Variants in RAB38 observed in about 807,000 individuals in gnomAD.
The protein encoded by RAB38 is ras-related protein Rab-38.
RAB38 carries 15 observed loss-of-function variants against 18.4 expected under a neutral mutation model. The ratio of observed to expected loss-of-function variants is 0.82; its 90% CI spans 0.55 to 1.26. RAB38 has a LOEUF of 1.26. Ranked by LOEUF, RAB38 falls within the 50% of genes most tolerant of loss-of-function variation. The probability of loss-of-function intolerance (pLI) is 0.00; values close to 1 mark genes in which losing one functional copy is unlikely to be tolerated. For missense variants in RAB38, 294 were observed against 267.4 expected, an observed-to-expected ratio of 1.10 and a Z score of -0.69; for synonymous variants, 101 against 104.4, an observed-to-expected ratio of 0.97 and a Z score of 0.20.
the RAB38 span, among the ~76,000 whole-genome samples, chr11:87,875,468 T>A: frequency 6.6e-6 from 1 of 151,504 alleles, no homozygotes; most frequent in African/African-American, 2.4e-5. Context: ...TTATCTGGGG[T>A]ATGTCCATAC....
the RAB38 span, among the ~76,000 whole-genome samples, chr11:88,029,194 C>T: frequency 9.2e-5 from 14 of 151,844 alleles, no homozygotes; most frequent in Non-Finnish European, 7.4e-5. Flanking sequence ...GATTTTGTCA[C>T]CACCAGGCCT....
At chr11:88,095,550 G>A in the RAB38 span, among the ~76,000 whole-genome samples, 2 of 151,766 alleles carry the variant, frequency 1.3e-5, no homozygotes, top group African/African-American at 2.4e-5. Context: ...AAAATTTAAA[G>A]TTTGAGTACC....
the RAB38 span, among the ~76,000 whole-genome samples, chr11:88,071,243 GACACACACAC>G: frequency 2.8e-4 from 41 of 148,524 alleles, no homozygotes; most frequent in South Asian, 1.5e-3. Context: ...ACTGGGGGAG[GACACACACAC>G]ACACACACAC....
the RAB38 span, among the ~76,000 whole-genome samples, chr11:87,830,106 C>A: frequency 6.6e-6 from 1 of 152,090 alleles, no homozygotes; most frequent in Non-Finnish European, 1.5e-5. Context: ...AATATTCAGA[C>A]AAGAATACTT....
chr11:88,009,503 C>T, the RAB38 span, among the ~76,000 whole-genome samples: 22 of 152,208 alleles, frequency 1.4e-4, no homozygotes, highest in Non-Finnish European at 2.1e-4. Context: ...TGCATAGAAG[C>T]TGTGTGAAAG....
chr11:87,836,560 A>G, the RAB38 span, among the ~76,000 whole-genome samples: 24 of 151,966 alleles, frequency 1.6e-4, no homozygotes, highest in African/African-American at 5.6e-4. Context: ...ACAAAATCTC[A>G]ATTGTTTTCC....
the RAB38 span, among the ~76,000 whole-genome samples, chr11:87,958,099 C>T: frequency 6.6e-6 from 1 of 152,096 alleles, no homozygotes; most frequent in African/African-American, 2.4e-5. Context: ...CCCAGGCTAG[C>T]AATATACTGT....
chr11:88,052,943 T>TATATAA, the RAB38 span, among the ~76,000 whole-genome samples: 10 of 115,688 alleles, frequency 8.6e-5, no homozygotes, highest in African/African-American at 2.5e-4. Flanking sequence ...TATATATATA[T>TATATAA]AAATTATATA....
chr11:87,919,616 T>C, the RAB38 span, among the ~76,000 whole-genome samples: 11 of 151,974 alleles, frequency 7.2e-5, no homozygotes, highest in Non-Finnish European at 1.0e-4. Context: ...GCCAGCTTTC[T>C]AAAATGAGTT....
the RAB38 span, among the ~76,000 whole-genome samples, chr11:88,068,057 T>A: frequency 6.6e-6 from 1 of 150,430 alleles, no homozygotes; most frequent in African/African-American, 2.4e-5. Context: ...AACCCATAAT[T>A]CAGTTTACAA....
chr11:87,814,162 C>T, the RAB38 span, among the ~76,000 whole-genome samples: 1 of 152,046 alleles, frequency 6.6e-6, no homozygotes, highest in Non-Finnish European at 1.5e-5. Flanking sequence ...GGTAGTACTC[C>T]CGAGTGGGAT....
chr11:88,142,560 A>G (rs1302309779), intron 2 of RAB38, among the ~76,000 whole-genome samples: 2 of 152,200 alleles, frequency 1.3e-5, no homozygotes, highest in Non-Finnish European at 2.9e-5. Context: ...ATTCCTGAAG[A>G]AAGGGTTAAT....
chr11:87,960,393 AAAG>A, the RAB38 span, among the ~76,000 whole-genome samples: 46 of 151,294 alleles, frequency 3.0e-4, no homozygotes, highest in Admixed American at 3.0e-3. Context: ...AAAAAGAAAA[AAAG>A]AGAGAAATAA....
the RAB38 span, among the ~76,000 whole-genome samples, chr11:88,030,454 A>G: frequency 6.6e-6 from 1 of 152,200 alleles, no homozygotes; most frequent in South Asian, 2.1e-4. Context: ...GTTTTTTGAA[A>G]GGATCAACAA....
the RAB38 span, among the ~76,000 whole-genome samples, chr11:87,846,866 C>T: frequency 6.6e-6 from 1 of 151,854 alleles, no homozygotes; most frequent in South Asian, 2.1e-4. Context: ...TACATTAGAA[C>T]CAAATAGCAG....
the RAB38 span, among the ~76,000 whole-genome samples, chr11:87,855,092 G>A: frequency 6.6e-6 from 1 of 152,160 alleles, no homozygotes; most frequent in Non-Finnish European, 1.5e-5. Context: ...ACCGCGCCTG[G>A]CCTATTTATG....
Position 88,114,010 on chromosome 11 carries a change from C to A in RAB38, c.614G>T (p.Cys205Phe). 6.2e-7 allele frequency: 1 copy of A among 1,614,194 alleles called. No homozygotes were observed. The highest frequency in any genetic ancestry group is 8.5e-7 in the Non-Finnish European group (1 of 1,180,026). The change falls in exon 3 of 3, where the codon TGC becomes TTC. Residue 205 changes from cysteine to phenylalanine, a missense_variant. Cys to Phe is a radical substitution (Grantham distance 205). Transcript: ENST00000243662. ...CTACTAGGATTTGGCACAGCCAGAG[C>A]AGCTGGCAACCTTGGTTGATGTGAG... ...PHLTSTKVASCSGCAKS is the reference protein window; with the variant it reads ...PHLTSTKVASFSGCAKS
the RAB38 span, among the ~76,000 whole-genome samples, chr11:88,041,742 C>T: frequency 3.3e-5 from 5 of 152,144 alleles, no homozygotes; most frequent in Admixed American, 6.5e-5. Flanking sequence ...GAAAAAGCAC[C>T]TAGATAAGGG....
the RAB38 span, among the ~76,000 whole-genome samples, chr11:88,039,646 C>G: frequency 0.7 from 106,148 of 152,016 alleles, 37,299 homozygotes; most frequent in East Asian, 0.76. Flanking sequence ...GAAGGGGAGT[C>G]TACCAAGAGG....
Sources: gnomAD v4.1 joint callset for allele counts (sites outside exome capture counted in the v4.1 genomes callset) on GRCh38, gnomAD v4.1.1 for gene constraint, MANE v1.5 for transcripts, NCBI Gene and HGNC (gene_info 2026-07-23, HGNC 2026-07-21) for gene names.